PPM1L: variants seen among roughly 807,000 people sequenced by gnomAD.
PPM1L encodes the protein protein phosphatase 1L.
In PPM1L, 13 loss-of-function variants were observed where a neutral mutation model predicts 31.4. That is an observed-to-expected ratio of 0.41 (90% CI 0.27 to 0.66). The LOEUF is 0.66. PPM1L is among the 30% of genes least tolerant of loss of function. PPM1L has a pLI of 0.29. For missense variants in PPM1L, 326 were observed against 453.7 expected, an observed-to-expected ratio of 0.72 and a Z score of 2.56; for synonymous variants, 184 against 175.4, an observed-to-expected ratio of 1.05 and a Z score of -0.39.
At chr3:160,802,855 C>A (rs1388342608) in intron 1 of PPM1L, among the ~76,000 whole-genome samples, 6 of 152,106 alleles carry the variant, frequency 3.9e-5, no homozygotes, top group African/African-American at 1.2e-4. Flanking sequence ...GGTGAAAAAA[C>A]CAGGCACAAT....
At chr3:160,984,277 T>C (rs1716895128) in intron 2 of PPM1L, among the ~76,000 whole-genome samples, 1 of 152,184 alleles carries the variant, frequency 6.6e-6, no homozygotes, top group East Asian at 1.9e-4. Context: ...TTAATATTCC[T>C]TACTGGGGAA....
chr3:160,841,713 T>C (rs1265295424), intron 1 of PPM1L, among the ~76,000 whole-genome samples: 1 of 152,196 alleles, frequency 6.6e-6, no homozygotes, highest in Non-Finnish European at 1.5e-5. Context: ...TTCCAGTGGG[T>C]GCAAATAACT....
intron 2 of PPM1L, among the ~76,000 whole-genome samples, chr3:161,009,596 C>T (rs1289725761): frequency 6.6e-6 from 1 of 152,188 alleles, no homozygotes; most frequent in Non-Finnish European, 1.5e-5. Context: ...TCTTAAAATG[C>T]AGTGAACCTA....
At chr3:160,933,284 A>T (rs1196925743) in intron 1 of PPM1L, among the ~76,000 whole-genome samples, 1 of 150,158 alleles carries the variant, frequency 6.7e-6, no homozygotes, top group Non-Finnish European at 1.5e-5. Flanking sequence ...TTTTGAGTGA[A>T]TTTTTTTTTT....
chr3:160,775,840 A>G (rs1192693922), intron 1 of PPM1L, among the ~76,000 whole-genome samples: 1 of 152,246 alleles, frequency 6.6e-6, no homozygotes, highest in Admixed American at 6.5e-5. Flanking sequence ...AATAAAATTA[A>G]ACATAGTATT....
At chr3:160,987,228 G>A (rs1716992957) in intron 2 of PPM1L, among the ~76,000 whole-genome samples, 1 of 152,126 alleles carries the variant, frequency 6.6e-6, no homozygotes, top group Admixed American at 6.5e-5. Context: ...TACTTGGTAG[G>A]TGGCTAAAAA....
intron 1 of PPM1L, among the ~76,000 whole-genome samples, chr3:160,805,259 TTTC>T (rs1712560988): frequency 6.6e-6 from 1 of 152,268 alleles, no homozygotes; most frequent in African/African-American, 2.4e-5. Context: ...AAATTGTTTT[TTTC>T]TTCTATTATT....
intron 2 of PPM1L, among the ~76,000 whole-genome samples, chr3:161,001,554 T>A (rs957940699): frequency 1.3e-4 from 20 of 152,138 alleles, no homozygotes; most frequent in Non-Finnish European, 2.6e-4. Flanking sequence ...TACACAGTTT[T>A]AAAGCAAACA....
intron 1 of PPM1L, among the ~76,000 whole-genome samples, chr3:160,888,462 A>G (rs1303645334): frequency 6.6e-6 from 1 of 152,230 alleles, no homozygotes; most frequent in Non-Finnish European, 1.5e-5. Context: ...AAAGGAAACA[A>G]TTCAACAAGA....
At chr3:160,843,867 A>T (rs1228413757) in intron 1 of PPM1L, among the ~76,000 whole-genome samples, 1 of 152,166 alleles carries the variant, frequency 6.6e-6, no homozygotes, top group Non-Finnish European at 1.5e-5. Context: ...AATAGCAAAG[A>T]CTTGGAACTA....
At chr3:160,939,321 C>G (rs1033613459) in intron 1 of PPM1L, among the ~76,000 whole-genome samples, 1 of 152,110 alleles carries the variant, frequency 6.6e-6, no homozygotes, top group African/African-American at 2.4e-5. Context: ...GTTTTTCATG[C>G]CTTTATGTCT....
intron 2 of PPM1L, among the ~76,000 whole-genome samples, chr3:160,976,602 G>A (rs556012279): frequency 9.3e-4 from 141 of 151,780 alleles, no homozygotes; most frequent in African/African-American, 3.2e-3. Flanking sequence ...TTTAGTCTTG[G>A]GAGAGTGTAT....
At chr3:160,830,379 T>C (rs1233752556) in intron 1 of PPM1L, among the ~76,000 whole-genome samples, 1 of 152,166 alleles carries the variant, frequency 6.6e-6, no homozygotes, top group African/African-American at 2.4e-5. Flanking sequence ...GGTGAAAATG[T>C]ATTAGTAGCA....
intron 2 of PPM1L, among the ~76,000 whole-genome samples, chr3:161,025,754 C>T (rs1271743912): frequency 6.6e-6 from 1 of 152,088 alleles, no homozygotes; most frequent in African/African-American, 2.4e-5. Flanking sequence ...TACCCAGTCA[C>T]TGGTATTTTG....
intron 2 of PPM1L, among the ~76,000 whole-genome samples, chr3:161,063,315 TC>T (rs1473754125): frequency 6.6e-6 from 1 of 152,232 alleles, no homozygotes; most frequent in Non-Finnish European, 1.5e-5. Flanking sequence ...GTTTTGATAA[TC>T]CATGAAATTA....
chr3:160,839,273 G>T (rs1464106226), intron 1 of PPM1L, among the ~76,000 whole-genome samples: 1 of 152,216 alleles, frequency 6.6e-6, no homozygotes, highest in Non-Finnish European at 1.5e-5. Context: ...TTTTTACTTA[G>T]ATTATATGAC....
chr3:160,915,733 A>G (rs1199118822), intron 1 of PPM1L, among the ~76,000 whole-genome samples: 1 of 152,230 alleles, frequency 6.6e-6, no homozygotes. Context: ...GGAACAGAAC[A>G]GAGCCCTCAG....
At position 161,012,404 on chromosome 3, in the gene PPM1L, A is replaced by G. The variant is rs188392259; in HGVS notation, c.574+50494A>G. On this transcript the variant is annotated intron_variant, in intron 2 of 3. Coordinates refer to ENST00000498165, the MANE Select transcript of PPM1L (RefSeq NM_139245.4). Reference sequence around the variant, plus strand: ...TGGTGGATAAGCTTTTTGATGTGCCACTGGATTCGGTTTGCTAGTATTTTA... The same window carrying G: ...TGGTGGATAAGCTTTTTGATGTGCCGCTGGATTCGGTTTGCTAGTATTTTA... Among the ~76,000 whole-genome samples the G allele has an allele frequency of 9.7e-4, 148 of 152,224 alleles. 1 individual carries two copies. Among genetic ancestry groups the G allele is most frequent in the East Asian group, 9.6e-4 (5 of 5,182 alleles).
chr3:160,798,402 A>G (rs374372026), intron 1 of PPM1L, among the ~76,000 whole-genome samples: 16 of 152,278 alleles, frequency 1.1e-4, no homozygotes, highest in African/African-American at 3.1e-4. Context: ...TCTCTTGTTA[A>G]GAGATAATGT....
Sources: allele counts gnomAD v4.1 joint callset (sites outside exome capture counted in the v4.1 genomes callset), GRCh38; gene constraint gnomAD v4.1.1; transcripts MANE v1.5; gene names NCBI Gene and HGNC (gene_info 2026-07-23, HGNC 2026-07-21).